Variants in RPTOR observed in about 807,000 individuals in gnomAD.
RPTOR encodes the protein regulatory-associated protein of mTOR.
A neutral mutation model predicts 169.9 loss-of-function variants in RPTOR; 21 were observed. That is an observed-to-expected ratio of 0.12 (90% CI 0.09 to 0.18). The LOEUF is 0.18. Ranked by LOEUF, RPTOR falls within the 10% of genes least tolerant of loss-of-function variation. The pLI is 1.00. For synonymous variants in RPTOR, 732 were observed against 753.2 expected, an observed-to-expected ratio of 0.97 and a Z score of 0.46; for missense variants, 1,133 against 1,855.9, an observed-to-expected ratio of 0.61 and a Z score of 7.16.
chr17:80,755,390 C>A (rs567849125), intron 6 of RPTOR, among the ~76,000 whole-genome samples: 1 of 151,858 alleles, frequency 6.6e-6, no homozygotes, highest in Non-Finnish European at 1.5e-5. Context: ...CCCTTGAGCG[C>A]GGGAGTTTTG....
chr17:80,777,022 T>G (rs2066897957), intron 6 of RPTOR, among the ~76,000 whole-genome samples: 1 of 152,108 alleles, frequency 6.6e-6, no homozygotes, highest in African/African-American at 2.4e-5. Context: ...GCAGATTACC[T>G]GAGGTCGGGA....
At chr17:80,923,377 G>A (rs1598403398) in intron 22 of RPTOR, 113 bp from the exon 23 acceptor site, 1 of 1,178,178 alleles carries the variant, frequency 8.5e-7, no homozygotes, top group Non-Finnish European at 1.2e-6. Flanking sequence ...AGGACACCCC[G>A]GGCCCTGGTG....
intron 3 of RPTOR, among the ~76,000 whole-genome samples, chr17:80,664,054 G>A (rs191221307): frequency 1.2e-3 from 187 of 152,220 alleles, no homozygotes; most frequent in African/African-American, 4.4e-3. Flanking sequence ...TTCTGTTGGA[G>A]CAAAATGCAG....
chr17:80,796,949 G>T (rs1232658258), intron 7 of RPTOR, among the ~76,000 whole-genome samples: 2 of 152,204 alleles, frequency 1.3e-5, no homozygotes, highest in African/African-American at 4.8e-5. Context: ...GCTCCAAAAG[G>T]TGCCCAGCCA....
intron 1 of RPTOR, among the ~76,000 whole-genome samples, chr17:80,556,793 A>AC (rs1399483664): frequency 2.6e-5 from 4 of 151,508 alleles, no homozygotes; most frequent in Non-Finnish European, 2.9e-5. Flanking sequence ...TAAAAAAAAA[A>AC]AAAAACTTAA....
intron 3 of RPTOR, among the ~76,000 whole-genome samples, chr17:80,685,938 G>A (rs1306502294): frequency 6.6e-6 from 1 of 151,900 alleles, no homozygotes; most frequent in Admixed American, 6.6e-5. Context: ...TTCTGACAGT[G>A]TTGGTGGCCT....
chr17:80,738,084 G>A (rs569910238), intron 5 of RPTOR, among the ~76,000 whole-genome samples: 2 of 152,306 alleles, frequency 1.3e-5, no homozygotes, highest in South Asian at 4.1e-4. Flanking sequence ...AAAGGAAATA[G>A]GTCACGGGAG....
rs977128478 is a variant in RPTOR at position 80,708,098 on chromosome 17, A to G, written c.507+99A>G. 6 of 1,222,734 alleles carry G rather than the reference A, an allele frequency of 4.9e-6. No homozygotes were observed. The South Asian group carries it at 8.8e-5, about 18-fold the overall frequency. 75.7% of individuals were successfully genotyped at this position (1,222,734 alleles called of 1,614,324 possible). On this transcript the variant is annotated intron_variant, in intron 4 of 33. Coordinates refer to ENST00000306801, the MANE Select transcript of RPTOR (RefSeq NM_020761.3). This position sits in a 1 kb window ranked among gnomAD's most constrained non-coding sequence, Gnocchi z 4.2. ...GCCCATCCGTAGCTTCTGTTAAGCC[A>G]TTGATGTTTACTGTGTTTCAACAAA...
intron 1 of RPTOR, among the ~76,000 whole-genome samples, chr17:80,622,035 G>A (rs912693459): frequency 1.3e-5 from 2 of 152,308 alleles, no homozygotes; most frequent in East Asian, 3.9e-4. Context: ...TCAGTTTAAG[G>A]CCTATTCTCT....
chr17:80,571,907 G>A (rs983886391), intron 1 of RPTOR, among the ~76,000 whole-genome samples: 5 of 152,140 alleles, frequency 3.3e-5, no homozygotes, highest in Admixed American at 6.5e-5. Context: ...TCTCAGTATC[G>A]TATTGATAAG....
At chr17:80,752,907 AAC>A (rs1379384053) in intron 5 of RPTOR, among the ~76,000 whole-genome samples, 1 of 152,254 alleles carries the variant, frequency 6.6e-6, no homozygotes, top group African/African-American at 2.4e-5. Context: ...AGTAGTAAAC[AAC>A]AATTCACTTA....
chr17:80,552,348 T>C (rs1375226172), intron 1 of RPTOR, among the ~76,000 whole-genome samples: 1 of 152,184 alleles, frequency 6.6e-6, no homozygotes, highest in Non-Finnish European at 1.5e-5. Flanking sequence ...TTCTCTCTGA[T>C]CTTTGCACAC....
intron 1 of RPTOR, among the ~76,000 whole-genome samples, chr17:80,568,472 T>C (rs973426926): frequency 3.3e-5 from 5 of 152,212 alleles, no homozygotes; most frequent in African/African-American, 1.2e-4. Context: ...TAATATTCTT[T>C]TTCTCCTCCA....
intron 1 of RPTOR, among the ~76,000 whole-genome samples, chr17:80,558,546 G>A (rs12452948): frequency 0.16 from 25,021 of 152,194 alleles, 2,348 homozygotes; most frequent in East Asian, 0.28. Context: ...ATAGTATCAT[G>A]AGCTTCCCTA....
intron 1 of RPTOR, among the ~76,000 whole-genome samples, chr17:80,572,413 T>TA (rs11424634): frequency 0.43 from 65,307 of 150,936 alleles, 14,447 homozygotes; most frequent in Middle Eastern, 0.52. Context: ...CTTCTTTTTT[T>TA]TAAAAAAATG....
intron 20 of RPTOR, among the ~76,000 whole-genome samples, chr17:80,903,119 G>A (rs987111631): frequency 2.0e-5 from 3 of 152,266 alleles, no homozygotes; most frequent in Non-Finnish European, 2.9e-5. Flanking sequence ...ATGCAAGGGA[G>A]GGGAGGGCGA....
At chr17:80,780,205 A>C (rs2066927191) in intron 6 of RPTOR, among the ~76,000 whole-genome samples, 2 of 152,196 alleles carry the variant, frequency 1.3e-5, no homozygotes, top group South Asian at 2.1e-4. Context: ...TAAATGTCGC[A>C]ATCACAAGAA....
intron 3 of RPTOR, among the ~76,000 whole-genome samples, chr17:80,673,766 C>G (rs148481582): frequency 2.0e-4 from 31 of 152,328 alleles, no homozygotes; most frequent in Non-Finnish European, 4.0e-4. Flanking sequence ...AAGCTCTGCT[C>G]TGGTCTGCAG....
intron 4 of RPTOR, among the ~76,000 whole-genome samples, chr17:80,710,612 T>TGTGTGTGTGTG (rs1598245903): frequency 6.8e-6 from 1 of 147,338 alleles, no homozygotes; most frequent in African/African-American, 2.5e-5. Context: ...TGTGTGTGTG[T>TGTGTGTGTGTG]TAAAGTGGTC....
Sources: gnomAD v4.1 joint callset for allele counts (sites outside exome capture counted in the v4.1 genomes callset) on GRCh38, gnomAD v4.1.1 for gene constraint, Gnocchi (gnomAD v3.1) non-coding constraint, MANE v1.5 for transcripts, NCBI Gene and HGNC (gene_info 2026-07-23, HGNC 2026-07-21) for gene names.